The following CLCN7 variants were observed in gnomAD, a reference collection of about 807,000 sequenced individuals.
CLCN7 encodes Cl-/H+ antiporter 7.
CLCN7 carries 60 observed loss-of-function variants against 102.1 expected under a neutral mutation model. That is an observed-to-expected ratio of 0.59 (90% confidence interval 0.48 to 0.73). The LOEUF (loss-of-function observed/expected upper bound fraction) is 0.73, where lower values mean the gene tolerates loss of function less well. Among genes scored for constraint, CLCN7 ranks in the 30% least tolerant of loss-of-function variants. The pLI, the probability that CLCN7 is intolerant of heterozygous loss-of-function variation, is 0.00. For synonymous variants in CLCN7, 560 were observed against 490.5 expected (o/e 1.14, Z -1.87); for missense variants, 962 against 1,125.7 (o/e 0.85, Z 2.08).
Position 1,446,326 on chromosome 16 carries a change from G to A in CLCN7, c.*305C>T. ...CCGGCCCTGCCGCTGGCTCCCAAGA[G>A]GCCGATAGCCCGGTAGGGAGGTCAC... On this transcript the variant is annotated 3_prime_UTR_variant, in exon 25 of 25. Coordinates refer to ENST00000382745, the MANE Select transcript of CLCN7 (RefSeq NM_001287.6). 3 of 701,704 alleles carry A rather than the reference G, an allele frequency of 4.3e-6. No individual in the cohort carries two copies. Among genetic ancestry groups the A allele is most frequent in the Non-Finnish European group, 7.8e-6 (3 of 384,602 alleles). 43.5% of individuals were successfully genotyped at this position (701,704 alleles called of 1,614,324 possible).
rs372563735 is a variant in CLCN7, at chr16:1,457,372, C to T, written c.739-35G>A. On this transcript the variant is annotated intron_variant, in intron 8 of 24. Transcript: ENST00000382745. This position sits in a 1 kb window ranked among gnomAD's most constrained non-coding sequence, Gnocchi z 5.4. ...AGAAGGACCGGTGCTCAGAGACACG[C>T]GTGACGCGGCCCTTCCTGGAGACCA... 3.1e-5 allele frequency: 49 copies of T among 1,581,480 alleles called. No individual in the cohort carries two copies. The highest frequency in any genetic ancestry group is 1.7e-4 in the Middle Eastern group (1 of 5,990).
Position 1,457,977 on chromosome 16 carries a change from G to A in CLCN7, c.676-221C>T, listed in dbSNP as rs1241370687. 1.3e-5 allele frequency among the ~76,000 whole-genome samples: 2 copies of A among 152,184 alleles called. No individual in the cohort carries two copies. Among genetic ancestry groups the A allele is most frequent in the African/African-American group, 2.4e-5 (1 of 41,448 alleles). On this transcript the variant is annotated intron_variant, in intron 7 of 24. Coordinates refer to ENST00000382745, the MANE Select transcript of CLCN7 (RefSeq NM_001287.6). This position sits in a 1 kb window ranked among gnomAD's most constrained non-coding sequence, Gnocchi z 5.4. ...CTCACTCGGGGGACCTGCCCTCTGT[G>A]GCCTCAGCACTGAGCAGGCAAGGGG...
intron 17 of CLCN7, 168 bp from the exon 18 acceptor site, chr16:1,449,495 G>A (rs1296275839): frequency 1.7e-5 from 11 of 653,618 alleles, no homozygotes; most frequent in East Asian, 2.7e-5. Context: ...ACCCTGCTGC[G>A]GAGGCTGCAT....
chr16:1,447,795 A>G lies in CLCN7; in HGVS notation c.2014-81T>C, dbSNP rs977213557. ...GAATGCTGTGTCGGGCCCCGCTCTG[A>G]CCCTGTTCCGGCCAGATTTCCCATC... On this transcript the variant is annotated intron_variant, in intron 21 of 24. Coordinates refer to ENST00000382745, the MANE Select transcript of CLCN7 (RefSeq NM_001287.6). 2.7e-6 allele frequency: 4 copies of G among 1,456,848 alleles called. No homozygotes were observed. The African/African-American group carries it at 5.6e-5, about 21-fold the overall frequency. 90.2% of individuals were successfully genotyped at this position (1,456,848 alleles called of 1,614,324 possible). A position where few individuals can be genotyped will look rare whatever the true frequency, so the allele number is the denominator to read the frequency against.
intron 16 of CLCN7, among the ~76,000 whole-genome samples, chr16:1,451,215 T>C (rs536977943): frequency 6.6e-6 from 1 of 152,298 alleles, no homozygotes; most frequent in East Asian, 1.9e-4. Context: ...CTGGGTTTTC[T>C]TTTGTTTTTT....
chr16:1,471,122 G>A (rs1038552553), intron 1 of CLCN7, among the ~76,000 whole-genome samples: 1 of 152,168 alleles, frequency 6.6e-6, no homozygotes, highest in African/African-American at 2.4e-5. Flanking sequence ...CCTGAGAACA[G>A]GAACAGCAAC....
In CLCN7 at chr16:1,453,904, G is replaced by A. The variant is rs1190546416; in HGVS notation, c.1154-10C>T. ...GCTCCAAGCACACCGCCTGCGAACA[G>A]GGGAAAGGCCAGTCAGCGACACCGG... On this transcript the variant is annotated splice_polypyrimidine_tract_variant and intron_variant, in intron 13 of 24. Coordinates refer to ENST00000382745, the MANE Select transcript of CLCN7 (RefSeq NM_001287.6). The A allele has an allele frequency of 6.2e-7, 1 of 1,612,900 alleles. No homozygotes were observed. The highest frequency in any genetic ancestry group is 8.5e-7 in the Non-Finnish European group (1 of 1,179,866).
Position 1,455,891 on chromosome 16 carries a change from G to A in CLCN7, c.917-96C>T, listed in dbSNP as rs9923569. ...CCAGGCTCCAGGGAACCCAGACCAC[G>A]TCAGAAAGAAGCTAATGGGGTGGGC... On this transcript the variant is annotated intron_variant, in intron 10 of 24. Coordinates refer to ENST00000382745, the MANE Select transcript of CLCN7 (RefSeq NM_001287.6). The A allele has an allele frequency of 0.087, 120,758 of 1,382,590 alleles. 6,126 individuals carry two copies. The highest frequency in any genetic ancestry group is 0.1 in the Non-Finnish European group (100,888 of 987,588). The allele number at this position is 1,382,590 out of a possible 1,614,324, so 85.6% of individuals were successfully genotyped here. A position where few individuals can be genotyped will look rare whatever the true frequency, so the allele number is the denominator to read the frequency against.
chr16:1,474,653 G>GACCCCAGGC (rs908700547), intron 1 of CLCN7, among the ~76,000 whole-genome samples, 181 bp downstream of exon 1: 2 of 151,866 alleles, frequency 1.3e-5, no homozygotes, highest in African/African-American at 2.4e-5. Flanking sequence ...GAAGACTCCA[G>GACCCCAGGC]ACCCCAGGCG....
At position 1,447,094 on chromosome 16, in the gene CLCN7, AG is replaced by A; in HGVS notation, c.2251-9del. The A allele has an allele frequency of 6.3e-7, 1 of 1,591,194 alleles. No homozygotes were observed. On this transcript the variant is annotated splice_polypyrimidine_tract_variant and intron_variant, in intron 23 of 24. Coordinates refer to ENST00000382745, the MANE Select transcript of CLCN7 (RefSeq NM_001287.6). ...CCGTGGGAGCGACGCCTCCTGCAGC[AG>A]GGGCACAGCTGTCAGTGCCCGCCCA...
Position 1,457,209 on chromosome 16 carries a change from G to T in CLCN7, c.822+45C>A. On this transcript the variant is annotated intron_variant, in intron 9 of 24. Coordinates refer to ENST00000382745, the MANE Select transcript of CLCN7 (RefSeq NM_001287.6). This position sits in a 1 kb window ranked among gnomAD's most constrained non-coding sequence, Gnocchi z 5.4. Reference sequence around the variant, plus strand: ...ATCTCCCTGAGTGGTGCCCGTGCCCGTGCCCATGGCATCTGGAGCCCACCC... The same window carrying T: ...ATCTCCCTGAGTGGTGCCCGTGCCCTTGCCCATGGCATCTGGAGCCCACCC... 6.4e-7 allele frequency: 1 copy of T among 1,550,914 alleles called. No homozygotes were observed. Among genetic ancestry groups the T allele is most frequent in the Non-Finnish European group, 8.9e-7 (1 of 1,122,648 alleles).
rs779898110 is a variant in CLCN7, at chr16:1,461,691, CAA to C, written c.214-19_214-18del. 1.9e-5 allele frequency: 31 copies of C among 1,611,386 alleles called. No individual in the cohort carries two copies. In the African/African-American group the frequency reaches 4.1e-4, roughly 22 times the overall value. On this transcript the variant is annotated intron_variant, in intron 2 of 24. Transcript: ENST00000382745. Reference sequence around the variant, plus strand: ...GTCCATATCCTGTGGCAGAAAAAGGCAAAGAGAGAAGCACAGTTGACAAGGCC... The same window carrying C: ...GTCCATATCCTGTGGCAGAAAAAGGCAGAGAGAAGCACAGTTGACAAGGCC...
At position 1,450,632 on chromosome 16, in the gene CLCN7, C is replaced by T. The variant is rs747382178; in HGVS notation, c.1482G>A (p.Thr494=). 1.4e-5 allele frequency: 23 copies of T among 1,612,352 alleles called. No individual in the cohort carries two copies. In the African/African-American group the frequency reaches 2.0e-4, roughly 14 times the overall value. The change falls in exon 17 of 25, where the codon ACG becomes ACA. Residue 494 remains threonine (T), a synonymous_variant. Transcript: ENST00000382745. ...SYNPLTLGLF[T]LVYFFLACWT... is the part of the protein sequence containing the mutation. Reference sequence around the variant, plus strand: ...AGCAGGCCAGGAAGAAGTAGACCAGCGTGAACAGGCCGAGGGTCAGGGGGT... The same window carrying T: ...AGCAGGCCAGGAAGAAGTAGACCAGTGTGAACAGGCCGAGGGTCAGGGGGT...
chr16:1,463,233 T>G (rs1037801466), intron 2 of CLCN7, among the ~76,000 whole-genome samples: 11 of 152,222 alleles, frequency 7.2e-5, no homozygotes, highest in Admixed American at 2.0e-4. Flanking sequence ...TGTAAAATTC[T>G]TAGGAAAAAA....
intron 16 of CLCN7, among the ~76,000 whole-genome samples, chr16:1,451,022 C>G (rs2038739639): frequency 6.6e-6 from 1 of 152,226 alleles, no homozygotes; most frequent in Admixed American, 6.5e-5. Flanking sequence ...GAGGGTGCCC[C>G]CCACAGCCTG....
chr16:1,462,177 C>A (rs1213003535), intron 2 of CLCN7, among the ~76,000 whole-genome samples: 25 of 151,696 alleles, frequency 1.6e-4, no homozygotes. Context: ...GTGATTCCAG[C>A]AATGCCAGGA....
At chr16:1,455,605 T>G in intron 11 of CLCN7, 126 bp downstream of exon 11, 2 of 1,044,294 alleles carry the variant, frequency 1.9e-6, no homozygotes, top group South Asian at 2.6e-5. Flanking sequence ...GACCAAGGCC[T>G]GACAGACCCA....
chr16:1,470,865 T>G (rs2039068754), intron 1 of CLCN7, among the ~76,000 whole-genome samples: 1 of 152,160 alleles, frequency 6.6e-6, no homozygotes, highest in African/African-American at 2.4e-5. Context: ...GCCAAGGTCT[T>G]ATGTGGAGTG....
At chr16:1,465,734 C>T (rs1035823464) in intron 1 of CLCN7, among the ~76,000 whole-genome samples, 9 of 152,252 alleles carry the variant, frequency 5.9e-5, no homozygotes, top group African/African-American at 2.2e-4. Flanking sequence ...AGCCACCTGC[C>T]ACCTCCACAG....
Sources: allele counts gnomAD v4.1 joint callset (sites outside exome capture counted in the v4.1 genomes callset), GRCh38; gene constraint gnomAD v4.1.1; non-coding constraint Gnocchi (gnomAD v3.1); transcripts MANE v1.5; gene names NCBI Gene and HGNC (gene_info 2026-07-23, HGNC 2026-07-21).